Variants in ANKRD11 observed in about 807,000 individuals in gnomAD.
ANKRD11 encodes the protein ankyrin repeat domain-containing protein 11.
A neutral mutation model predicts 195.7 loss-of-function variants in ANKRD11; 17 were observed. The ratio of observed to expected loss-of-function variants is 0.09; its 90% CI spans 0.06 to 0.13. The LOEUF (loss-of-function observed/expected upper bound fraction) is 0.13. Ranked by LOEUF, ANKRD11 falls within the 10% of genes least tolerant of loss-of-function variation. The pLI, the probability that ANKRD11 is intolerant of heterozygous loss-of-function variation, is 1.00. For synonymous variants in ANKRD11, 1,953 were observed against 1,528.1 expected (o/e 1.28, Z -6.49); for missense variants, 3,735 against 3,566.1 (o/e 1.05, Z -1.21).
At chr16:89,441,331 GA>G (rs1314240066) in intron 1 of ANKRD11, among the ~76,000 whole-genome samples, 2 of 152,108 alleles carry the variant, frequency 1.3e-5, no homozygotes, top group African/African-American at 4.8e-5. Context: ...AGAGACTACA[GA>G]ACTTCTCAAC....
rs572917991 is a variant in ANKRD11 at position 89,429,200 on chromosome 16, T to A, written c.-144-10832A>T. ...TCTCAACTCTCACGCTCAGACGTTC[T>A]AGTACACAGCAGGGACTCTCAACTC... On this transcript the variant is annotated intron_variant, in intron 1 of 12. Coordinates refer to ENST00000301030, the MANE Select transcript of ANKRD11 (RefSeq NM_013275.6). Among the ~76,000 whole-genome samples the A allele has an allele frequency of 7.6e-5, 9 of 118,922 alleles. No homozygotes were observed. The South Asian group carries it at 2.7e-3, about 35-fold the overall frequency. 78.0% of individuals were successfully genotyped at this position (118,922 alleles called of 152,430 possible). A position where few individuals can be genotyped will look rare whatever the true frequency, so the allele number is the denominator to read the frequency against.
intron 2 of ANKRD11, among the ~76,000 whole-genome samples, chr16:89,387,037 G>C (rs887269109): frequency 6.6e-6 from 1 of 152,064 alleles, no homozygotes; most frequent in African/African-American, 2.4e-5. Context: ...ACAGGCCAGG[G>C]CTGCTTTCAG....
At chr16:89,441,007 G>A (rs1321899979) in intron 1 of ANKRD11, among the ~76,000 whole-genome samples, 1 of 152,168 alleles carries the variant, frequency 6.6e-6, no homozygotes, top group Non-Finnish European at 1.5e-5. Context: ...GGAGGCCGAG[G>A]CGGGCAGATC....
intron 1 of ANKRD11, among the ~76,000 whole-genome samples, chr16:89,424,307 G>A (rs1327012895): frequency 6.6e-6 from 1 of 152,132 alleles, no homozygotes; most frequent in African/African-American, 2.4e-5. Context: ...CAGGCGTGGT[G>A]GCGCATGCCT....
At chr16:89,465,108 G>A (rs1237489400) in intron 1 of ANKRD11, among the ~76,000 whole-genome samples, 1 of 152,212 alleles carries the variant, frequency 6.6e-6, no homozygotes, top group Admixed American at 6.6e-5. Flanking sequence ...AGCCAGGCTC[G>A]TTTTAAGTGT....
chr16:89,347,163 A>G (rs918804248), intron 2 of ANKRD11, among the ~76,000 whole-genome samples: 1 of 152,112 alleles, frequency 6.6e-6, no homozygotes, highest in Admixed American at 6.5e-5. Flanking sequence ...AGCTTGCTGA[A>G]ATGGAAATGT....
rs1481589452 is a variant in ANKRD11 at position 89,313,373 on chromosome 16, C to G, written c.87+3560G>C. 9 of 1,287,876 alleles carry G rather than the reference C, an allele frequency of 7.0e-6. No homozygotes were observed. In the Admixed American group the frequency reaches 2.1e-4, roughly 30 times the overall value. The allele number at this position is 1,287,876 out of a possible 1,614,324, so 79.8% of individuals were successfully genotyped here. A position where few individuals can be genotyped will look rare whatever the true frequency, so the allele number is the denominator to read the frequency against. On this transcript the variant is annotated intron_variant, in intron 3 of 12. Coordinates refer to ENST00000301030, the MANE Select transcript of ANKRD11 (RefSeq NM_013275.6). Reference sequence around the variant, plus strand: ...CACCTGCTGGTTCTTCCCGAGGCAGCTCAGCGGTTCTGGGATTCCGTGGTC... The same window carrying G: ...CACCTGCTGGTTCTTCCCGAGGCAGGTCAGCGGTTCTGGGATTCCGTGGTC...
rs1000284694 is a variant in ANKRD11, at chr16:89,465,018, A to T, written c.-145+25227T>A. On this transcript the variant is annotated intron_variant, in intron 1 of 12. Coordinates refer to ENST00000301030, the MANE Select transcript of ANKRD11 (RefSeq NM_013275.6). Reference sequence around the variant, plus strand: ...AGGTTTATATTTATACCTGGTTGAAAAAGAAAATAACATTTTGTGGTAAGT... The same window carrying T: ...AGGTTTATATTTATACCTGGTTGAATAAGAAAATAACATTTTGTGGTAAGT... Among the ~76,000 whole-genome samples the T allele has an allele frequency of 5.9e-5, 9 of 152,236 alleles. No individual in the cohort carries two copies. The East Asian group carries it at 1.7e-3, about 29-fold the overall frequency.
At chr16:89,287,817 C>T (rs911215271) in intron 7 of ANKRD11, 1 of 226,008 alleles carries the variant, frequency 4.4e-6, no homozygotes, top group Non-Finnish European at 8.6e-6. Context: ...TCCAGGACCT[C>T]CAGCAATGGC....
At chr16:89,459,022 T>C (rs1194349959) in intron 1 of ANKRD11, 1 of 154,910 alleles carries the variant, frequency 6.5e-6, no homozygotes, top group African/African-American at 2.4e-5. Flanking sequence ...CTTCAAAAAC[T>C]ATACTAAACA....
At chr16:89,476,536 T>C (rs2057264537) in intron 1 of ANKRD11, among the ~76,000 whole-genome samples, 1 of 152,186 alleles carries the variant, frequency 6.6e-6, no homozygotes, top group Admixed American at 6.5e-5. Flanking sequence ...ACGCCTACGC[T>C]TGCTTCTAAC....
intron 2 of ANKRD11, among the ~76,000 whole-genome samples, chr16:89,360,309 CT>C (rs538433972): frequency 4.3e-3 from 652 of 152,354 alleles, no homozygotes; most frequent in Non-Finnish European, 7.0e-3. Context: ...GTTGCCCAAG[CT>C]GGCCTGAAAC....
Position 89,285,673 on chromosome 16 carries a change from G to A in ANKRD11, c.893-24C>T. The A allele has an allele frequency of 6.2e-7, 1 of 1,612,422 alleles. No individual in the cohort carries two copies. Among genetic ancestry groups the A allele is most frequent in the Non-Finnish European group, 8.5e-7 (1 of 1,178,440 alleles). On this transcript the variant is annotated intron_variant, in intron 8 of 12. Coordinates refer to ENST00000301030, the MANE Select transcript of ANKRD11 (RefSeq NM_013275.6). The surrounding 1 kb of genome is among the most constrained non-coding windows in gnomAD (Gnocchi z 5.6). The stretch of plus-strand genomic sequence containing the variant: ...CTCTGTTGGAGGTAGGAAGCGAGAG[G>A]TCACAGGCAGGCTCAAAACAGCTCT...
At chr16:89,398,244 A>C (rs1372344242) in intron 2 of ANKRD11, among the ~76,000 whole-genome samples, 1 of 151,800 alleles carries the variant, frequency 6.6e-6, no homozygotes, top group Non-Finnish European at 1.5e-5. Flanking sequence ...GGAGGCTGAC[A>C]TGAGGGACAC....
intron 2 of ANKRD11, among the ~76,000 whole-genome samples, chr16:89,413,538 T>C (rs2042178586): frequency 1.3e-5 from 2 of 152,122 alleles, no homozygotes; most frequent in South Asian, 4.1e-4. Flanking sequence ...GGCAGGAGAA[T>C]GGCGTGAACC....
intron 1 of ANKRD11, among the ~76,000 whole-genome samples, chr16:89,426,333 C>A (rs2042713143): frequency 6.6e-6 from 1 of 152,108 alleles, no homozygotes; most frequent in Non-Finnish European, 1.5e-5. Context: ...CAATAACACA[C>A]AGGAGAAGGT....
chr16:89,302,648 C>G (rs2035930274), intron 4 of ANKRD11, among the ~76,000 whole-genome samples: 1 of 152,184 alleles, frequency 6.6e-6, no homozygotes, highest in Non-Finnish European at 1.5e-5. Flanking sequence ...CCTAGGAAAT[C>G]TAGTTTTGCA....
Position 89,281,116 on chromosome 16 carries a change from A to G in ANKRD11, c.5426T>C (p.Leu1809Pro). The stretch of plus-strand genomic sequence containing the variant: ...AGCAGGAACGCTCTGCTGCCTGAAG[A>G]GCTTGTCTCCGACGCTGAATTCTTC... ...PEEEFSVGDKLFRQQSVPAAS... is the reference protein window; with the variant it reads ...PEEEFSVGDKPFRQQSVPAAS... The change falls in exon 9 of 13, where the codon CTC becomes CCC. Residue 1809 changes from leucine to proline, a missense_variant. By Grantham distance (98) the Leu-to-Pro change is moderately conservative. Coordinates refer to ENST00000301030, the MANE Select transcript of ANKRD11 (RefSeq NM_013275.6). The surrounding 1 kb of genome is among the most constrained non-coding windows in gnomAD (Gnocchi z 5.5). 1 of 1,611,712 alleles carries G rather than the reference A, an allele frequency of 6.2e-7. No homozygotes were observed. Among genetic ancestry groups the G allele is most frequent in the Non-Finnish European group, 8.5e-7 (1 of 1,178,066 alleles).
chr16:89,287,065 G>A, intron 7 of ANKRD11: 2 of 1,289,844 alleles, frequency 1.6e-6, no homozygotes, highest in Non-Finnish European at 2.0e-6. Context: ...GGAGGTCAGA[G>A]GTCAAGGTGC....
Sources: gnomAD v4.1 joint callset for allele counts (sites outside exome capture counted in the v4.1 genomes callset) on GRCh38, gnomAD v4.1.1 for gene constraint, Gnocchi (gnomAD v3.1) non-coding constraint, MANE v1.5 for transcripts, NCBI Gene and HGNC (gene_info 2026-07-23, HGNC 2026-07-21) for gene names.